Variants in PCED1B observed in about 807,000 individuals in gnomAD.
PCED1B encodes the protein PC-esterase domain-containing protein 1B.
For synonymous variants in PCED1B, 251 were observed against 246.1 expected (o/e 1.02, Z -0.19); for missense variants, 573 against 573.9 (o/e 1.00, Z 0.02).
intron 2 of PCED1B, among the ~76,000 whole-genome samples, chr12:47,109,611 A>G (rs921460773): frequency 2.0e-5 from 3 of 152,200 alleles, no homozygotes. Context: ...TTCCATCTCT[A>G]TAAAATTCCA....
chr12:47,098,397 T>C (rs1938567639), intron 1 of PCED1B, among the ~76,000 whole-genome samples: 1 of 152,148 alleles, frequency 6.6e-6, no homozygotes, highest in African/African-American at 2.4e-5. Context: ...AAAGCCAAAG[T>C]CTATGAACAA....
intron 2 of PCED1B, among the ~76,000 whole-genome samples, chr12:47,136,456 T>C (rs1940375684): frequency 1.3e-5 from 2 of 152,220 alleles, no homozygotes; most frequent in Non-Finnish European, 2.9e-5. Flanking sequence ...CTTTAAAGGA[T>C]AAGTGAATAA....
chr12:47,091,002 C>T (rs148427530), intron 1 of PCED1B, among the ~76,000 whole-genome samples: 3 of 152,132 alleles, frequency 2.0e-5, no homozygotes, highest in African/African-American at 7.2e-5. Flanking sequence ...CCCAAATTCC[C>T]CCCGATTCTA....
intron 1 of PCED1B, among the ~76,000 whole-genome samples, chr12:47,100,199 G>A (rs1033635465): frequency 6.6e-6 from 1 of 152,136 alleles, no homozygotes. Flanking sequence ...ATCATTAAAC[G>A]CAAGGGTAGT....
intron 2 of PCED1B, among the ~76,000 whole-genome samples, chr12:47,176,903 T>G (rs1170260492): frequency 6.6e-6 from 1 of 151,420 alleles, no homozygotes; most frequent in Non-Finnish European, 1.5e-5. Flanking sequence ...GCATTGAATG[T>G]TGAGAGTACG....
rs750197613 is a variant in PCED1B, at chr12:47,235,664, G to A, written c.601G>A (p.Ala201Thr). ...AGTGGTCAAAGCCAACTTCCACAGC[G>A]CCACCGAGGCACGTAAACATAACTT... ...NEVVKANFHS[A>T]TEARKHNFDV... is the part of the protein sequence containing the mutation. Residue 201 changes from alanine to threonine, a missense_variant, in exon 4 of 4, where the codon GCC (alanine) becomes ACC (threonine). Ala to Thr is a moderately conservative substitution (Grantham distance 58). Coordinates refer to ENST00000546455, the MANE Select transcript of PCED1B (RefSeq NM_138371.3). 11 of 1,612,522 alleles carry A rather than the reference G, an allele frequency of 6.8e-6. No homozygotes were observed. The highest frequency in any genetic ancestry group is 5.0e-5 in the Admixed American group (3 of 59,928).
At chr12:47,206,205 G>A (rs1264964310) in intron 2 of PCED1B, 4 of 152,234 alleles carry the variant, frequency 2.6e-5, no homozygotes, top group Admixed American at 2.6e-4. Flanking sequence ...GAATCTTGGA[G>A]ACTCCAGCTG....
At chr12:47,181,373 A>AT (rs61594383) in intron 2 of PCED1B, among the ~76,000 whole-genome samples, 1,810 of 145,372 alleles carry the variant, frequency 0.012, 27 homozygotes, top group African/African-American at 0.031. Flanking sequence ...TTCTTTCATT[A>AT]TTTTTTTTTT....
intron 2 of PCED1B, among the ~76,000 whole-genome samples, chr12:47,152,231 A>G (rs1459969263): frequency 6.6e-6 from 1 of 152,204 alleles, no homozygotes; most frequent in Non-Finnish European, 1.5e-5. Flanking sequence ...TAGTTACAAC[A>G]GGGAAAAAAT....
At chr12:47,110,796 T>G (rs967528572) in intron 2 of PCED1B, among the ~76,000 whole-genome samples, 1 of 152,178 alleles carries the variant, frequency 6.6e-6, no homozygotes, top group Non-Finnish European at 1.5e-5. Flanking sequence ...TTCAGGTGAT[T>G]ATTGATCAGG....
At chr12:47,220,088 A>AG (rs200317644) in intron 3 of PCED1B, among the ~76,000 whole-genome samples, 291 of 133,128 alleles carry the variant, frequency 2.2e-3, no homozygotes, top group Middle Eastern at 3.7e-3. Context: ...AAAAAAAAAA[A>AG]AAGAAGAAGA....
intron 1 of PCED1B, among the ~76,000 whole-genome samples, chr12:47,102,314 T>C (rs1263777994): frequency 1.3e-5 from 2 of 152,236 alleles, no homozygotes; most frequent in African/African-American, 4.8e-5. Context: ...TATCCAAAAA[T>C]GTAGACATAT....
chr12:47,151,348 T>A (rs1015638930), intron 2 of PCED1B, among the ~76,000 whole-genome samples: 2 of 152,192 alleles, frequency 1.3e-5, no homozygotes, highest in Admixed American at 1.3e-4. Flanking sequence ...AGTAACATGC[T>A]GTACAGGTTT....
chr12:47,176,149 A>G (rs1421911417), intron 2 of PCED1B, among the ~76,000 whole-genome samples: 1 of 152,208 alleles, frequency 6.6e-6, no homozygotes. Flanking sequence ...CATAAGGAAG[A>G]GAAGTACGAT....
At chr12:47,194,861 CT>C (rs1286761596) in intron 2 of PCED1B, among the ~76,000 whole-genome samples, 1 of 152,192 alleles carries the variant, frequency 6.6e-6, no homozygotes, top group African/African-American at 2.4e-5. Flanking sequence ...AGAAACAGCA[CT>C]GGCCACTTAT....
intron 2 of PCED1B, among the ~76,000 whole-genome samples, chr12:47,124,738 C>G (rs576073046): frequency 6.6e-6 from 1 of 151,984 alleles, no homozygotes; most frequent in East Asian, 1.9e-4. Flanking sequence ...GTGGTAATAT[C>G]ATATTGTGTT....
At chr12:47,131,744 C>T (rs78697608) in intron 2 of PCED1B, among the ~76,000 whole-genome samples, 3,580 of 149,178 alleles carry the variant, frequency 0.024, 138 homozygotes, top group African/African-American at 0.083. Flanking sequence ...TCTCGTCTCA[C>T]TGCAACCTTC....
rs75426737 is a variant in PCED1B, at chr12:47,120,034, T to C, written c.-526+15839T>C. 1.9e-3 allele frequency among the ~76,000 whole-genome samples: 283 copies of C among 152,128 alleles called. 8 individuals carry two copies. The East Asian group carries it at 0.042, about 22-fold the overall frequency. ...TTAAAAAATAGAAAAATGATATTCA[T>C]AGATATTTCTCCAAGGAAGATACAC... On this transcript the variant is annotated intron_variant, in intron 2 of 3. Transcript: ENST00000546455.
chr12:47,152,404 G>A (rs1010526446), intron 2 of PCED1B, among the ~76,000 whole-genome samples: 2 of 152,118 alleles, frequency 1.3e-5, no homozygotes, highest in African/African-American at 4.8e-5. Flanking sequence ...GGTAACCTCT[G>A]TTGAATCACG....
Sources: gnomAD v4.1 joint callset for allele counts (sites outside exome capture counted in the v4.1 genomes callset) on GRCh38, gnomAD v4.1.1 for gene constraint, MANE v1.5 for transcripts, NCBI Gene and HGNC (gene_info 2026-07-23, HGNC 2026-07-21) for gene names.